RYR3: variants seen among roughly 807,000 people sequenced by gnomAD.
RYR3 encodes ryanodine receptor 3, also known as brain ryanodine receptor-calcium release channel.
In RYR3, 207 loss-of-function variants were observed where a neutral mutation model predicts 584.3. The ratio of observed to expected loss-of-function variants is 0.35; its 90% confidence interval spans 0.32 to 0.40. The LOEUF (loss-of-function observed/expected upper bound fraction) is 0.40, where lower values mean the gene tolerates loss of function less well. RYR3 is among the 10% of genes least tolerant of loss of function. The probability of loss-of-function intolerance (pLI) is 1.00; values close to 1 mark genes in which losing one functional copy is unlikely to be tolerated. For synonymous variants in RYR3, 2,416 were observed against 2,248.5 expected (o/e 1.07, Z -2.11); for missense variants, 5,616 against 6,089.2 (o/e 0.92, Z 2.59).
Position 33,540,831 on chromosome 15 carries a change from C to T in RYR3, c.587C>T (p.Ser196Phe). The T allele has an allele frequency of 6.2e-7, 1 of 1,612,862 alleles. No homozygotes were observed. The highest frequency in any genetic ancestry group is 8.5e-7 in the Non-Finnish European group (1 of 1,179,004). ...AATGGTAACATACAAGTGGATGCCTCCTTTATGCAAACACTCTGGAATGTA... is the reference window on the plus strand; with the variant it reads ...AATGGTAACATACAAGTGGATGCCTTCTTTATGCAAACACTCTGGAATGTA... The part of the protein sequence containing the change: ...VSNGNIQVDA[S>F]FMQTLWNVHP... The change falls in exon 7 of 104, where the codon TCC (serine) becomes TTC (phenylalanine). Residue 196 changes from serine (S) to phenylalanine (F), a missense_variant. By Grantham distance (155) the Ser-to-Phe change is radical (BLOSUM62 -2). Transcript: ENST00000634891.
chr15:33,794,202 A>T (rs2075404842), intron 67 of RYR3, among the ~76,000 whole-genome samples: 1 of 103,620 alleles, frequency 9.7e-6, no homozygotes. Context: ...TATATTATAC[A>T]CAAATATACA....
At position 33,725,971 on chromosome 15, in the gene RYR3, C is replaced by CA. The variant is rs1555427601; in HGVS notation, c.6913-415_6913-414insA. Among the ~76,000 whole-genome samples, 10 of 29,262 alleles carry CA rather than the reference C, an allele frequency of 3.4e-4. 1 individual carries two copies. Among genetic ancestry groups the CA allele is most frequent in the East Asian group, 3.9e-3 (1 of 256 alleles). 19.2% of individuals were successfully genotyped at this position (29,262 alleles called of 152,430 possible). A position where few individuals can be genotyped will look rare whatever the true frequency, so the allele number is the denominator to read the frequency against. ...GGTGACAGAGCAAGACTCCATCCCC[C>CA]CCCCCAAAAAAAAAAAAAAAAAAAA... On this transcript the variant is annotated intron_variant, in intron 45 of 103. Transcript: ENST00000634891.
In RYR3 at chr15:33,821,550, C is replaced by A. The variant is rs769862264; in HGVS notation, c.10943C>A (p.Thr3648Lys). The A allele has an allele frequency of 6.2e-7, 1 of 1,613,816 alleles. No individual in the cohort carries two copies. Among genetic ancestry groups the A allele is most frequent in the South Asian group, 1.1e-5 (1 of 91,090 alleles). ...KGEMSPMVVETLKLGIAILNG... is the reference protein window; with the variant it reads ...KGEMSPMVVEKLKLGIAILNG... ...GAGATGAGCCCCATGGTGGTTGAGA[C>A]GCTGAAGCTGGGGATCGCCATTCTG... The change falls in exon 80 of 104, where the codon ACG (threonine) becomes AAG (lysine). Residue 3648 changes from threonine to lysine, a missense_variant. This residue lies in a region of RYR3 where 954 missense variants were observed against 1,132.2 expected (regional missense o/e 0.84). Coordinates refer to ENST00000634891, the MANE Select transcript of RYR3 (RefSeq NM_001036.6).
intron 3 of RYR3, among the ~76,000 whole-genome samples, chr15:33,508,744 A>AG (rs2052702427): frequency 6.6e-6 from 1 of 152,220 alleles, no homozygotes; most frequent in African/African-American, 2.4e-5. Flanking sequence ...CTCACTGAGA[A>AG]GTTCTTCATC....
intron 2 of RYR3, among the ~76,000 whole-genome samples, chr15:33,499,251 C>T (rs1042001861): frequency 1.1e-4 from 17 of 150,006 alleles, no homozygotes; most frequent in Admixed American, 7.3e-4. Context: ...TACCTCTTTT[C>T]GCTCCATTTC....
At chr15:33,843,011 CATGGCTGTGTTAAGA>C (rs2078472405) in intron 91 of RYR3, among the ~76,000 whole-genome samples, 1 of 151,984 alleles carries the variant, frequency 6.6e-6, no homozygotes, top group Non-Finnish European at 1.5e-5. Context: ...ACAGTCATGC[CATGGCTGTGTTAAGA>C]ATGCCAGGGT....
chr15:33,794,435 G>A (rs1469609561), intron 67 of RYR3, among the ~76,000 whole-genome samples: 2 of 147,978 alleles, frequency 1.4e-5, no homozygotes, highest in African/African-American at 5.0e-5. Context: ...CTGCTTTTTT[G>A]AGGGTCATCA....
chr15:33,533,205 C>T, intron 4 of RYR3, 106 bp from the exon 5 acceptor site: 1 of 717,246 alleles, frequency 1.4e-6, no homozygotes, highest in East Asian at 2.7e-5. Context: ...ATAGAGCTGT[C>T]TTCACAGTAG....
At chr15:33,552,555 A>T (rs770940065) in intron 10 of RYR3, among the ~76,000 whole-genome samples, 1 of 152,172 alleles carries the variant, frequency 6.6e-6, no homozygotes, top group Non-Finnish European at 1.5e-5. Flanking sequence ...GAGATTTTAA[A>T]TAAGTCTCCA....
chr15:33,776,032 C>A (rs1032645399), intron 64 of RYR3, among the ~76,000 whole-genome samples: 2 of 152,186 alleles, frequency 1.3e-5, no homozygotes, highest in Non-Finnish European at 2.9e-5. Flanking sequence ...CTTTTCATTT[C>A]TTGTGGGTTT....
chr15:33,613,785 A>G (rs989114765), intron 19 of RYR3, among the ~76,000 whole-genome samples: 3 of 152,256 alleles, frequency 2.0e-5, no homozygotes, highest in African/African-American at 7.2e-5. Flanking sequence ...ACAAATATAC[A>G]TCATTTTTTA....
chr15:33,839,617 C>T (rs888329361), intron 89 of RYR3: 1 of 152,242 alleles, frequency 6.6e-6, no homozygotes, highest in Non-Finnish European at 1.5e-5. Context: ...AACATTCATT[C>T]ATTCATTCCA....
chr15:33,645,897 GTCC>G (rs1000129767), intron 28 of RYR3, among the ~76,000 whole-genome samples: 16 of 152,320 alleles, frequency 1.1e-4, no homozygotes, highest in South Asian at 4.1e-4. Flanking sequence ...TGGGGAGGGT[GTCC>G]TCCTCAGGAG....
rs2063033168 is a variant in RYR3 at position 33,659,710 on chromosome 15, T to G, written c.4309-10T>G. The G allele has an allele frequency of 6.3e-7, 1 of 1,592,406 alleles. No homozygotes were observed. The highest frequency in any genetic ancestry group is 1.1e-5 in the South Asian group (1 of 90,542). On this transcript the variant is annotated splice_polypyrimidine_tract_variant and intron_variant, in intron 32 of 103. Transcript: ENST00000634891. ...TCTGGGCAAAGCTTTCGATTTGTTT[T>G]GATTTCCAGGTGGAGCCTAATACCA...
intron 1 of RYR3, among the ~76,000 whole-genome samples, chr15:33,439,554 C>T (rs2046041290): frequency 1.3e-5 from 2 of 152,062 alleles, no homozygotes; most frequent in African/African-American, 4.8e-5. Context: ...CTATATTCTC[C>T]TATGTGGTTT....
At chr15:33,611,865 G>A (rs2060209595) in intron 18 of RYR3, among the ~76,000 whole-genome samples, 1 of 152,082 alleles carries the variant, frequency 6.6e-6, no homozygotes, top group Admixed American at 6.5e-5. Flanking sequence ...CACCATGTTG[G>A]CCAGGCTGGT....
intron 53 of RYR3, among the ~76,000 whole-genome samples, chr15:33,747,478 G>T (rs2070854668): frequency 7.7e-6 from 1 of 129,194 alleles, no homozygotes; most frequent in Non-Finnish European, 1.5e-5. Flanking sequence ...AGGCTAGAGT[G>T]CTGTGGTGCA....
chr15:33,498,706 T>C (rs2051668282), intron 2 of RYR3, among the ~76,000 whole-genome samples: 1 of 152,212 alleles, frequency 6.6e-6, no homozygotes. Flanking sequence ...ATTTTTGTTT[T>C]GTTGCCTGTG....
In RYR3 at chr15:33,569,980, A is replaced by T. The variant is rs8034517; in HGVS notation, c.1268+3181A>T. 7.4e-3 allele frequency among the ~76,000 whole-genome samples: 1,131 copies of T among 151,882 alleles called. 8 individuals carry two copies. The highest frequency in any genetic ancestry group is 0.022 in the African/African-American group (918 of 41,448). On this transcript the variant is annotated intron_variant, in intron 12 of 103. Coordinates refer to ENST00000634891, the MANE Select transcript of RYR3 (RefSeq NM_001036.6). Reference sequence around the variant, plus strand: ...GAGTTCTTTGTACCTTCTGATTACAATTTTTTTGCCATATTTATGATTTGC... The same window carrying T: ...GAGTTCTTTGTACCTTCTGATTACATTTTTTTTGCCATATTTATGATTTGC...
Sources: allele counts gnomAD v4.1 joint callset (sites outside exome capture counted in the v4.1 genomes callset), GRCh38; gene constraint gnomAD v4.1.1; regional missense constraint gnomAD v4.1.1; transcripts MANE v1.5; gene names NCBI Gene and HGNC (gene_info 2026-07-23, HGNC 2026-07-21).